Variants in PHF14 observed in about 807,000 individuals in gnomAD.
PHF14 encodes the protein PHD finger protein 14.
In PHF14, 55 loss-of-function variants were observed where a neutral mutation model predicts 117.9. The observed-to-expected ratio is 0.47, with a 90% CI of 0.38 to 0.58. The LOEUF is 0.58. Ranked by LOEUF, PHF14 falls within the 20% of genes least tolerant of loss-of-function variation. The probability of loss-of-function intolerance (pLI) is 0.00; values close to 1 mark genes in which losing one functional copy is unlikely to be tolerated. For missense variants in PHF14, 978 were observed against 1,122.2 expected (o/e 0.87, Z 1.84); for synonymous variants, 409 against 368.6 (o/e 1.11, Z -1.26).
At chr7:10,998,286 G>A (rs1782735521) in intron 4 of PHF14, among the ~76,000 whole-genome samples, 1 of 152,152 alleles carries the variant, frequency 6.6e-6, no homozygotes, top group Non-Finnish European at 1.5e-5. Flanking sequence ...AATGTTTCTT[G>A]TTTTCTCAGT....
intron 16 of PHF14, chr7:11,105,839 A>G (rs1017523743): frequency 1.0e-6 from 1 of 984,504 alleles, no homozygotes; most frequent in African/African-American, 1.7e-5. Context: ...ATAAAATGAG[A>G]TTGACACCCA....
intron 5 of PHF14, among the ~76,000 whole-genome samples, chr7:11,021,236 C>T (rs1368388550): frequency 6.6e-6 from 1 of 152,022 alleles, no homozygotes; most frequent in Non-Finnish European, 1.5e-5. Context: ...TGTTCCTTTC[C>T]CCAGTCAGCA....
At chr7:11,150,544 T>C (rs1333697887) in intron 17 of PHF14, among the ~76,000 whole-genome samples, 1 of 152,092 alleles carries the variant, frequency 6.6e-6, no homozygotes, top group African/African-American at 2.4e-5. Context: ...AAGTGGGAAT[T>C]TTTATTTCTT....
chr7:10,999,861 C>G (rs1336619436), intron 4 of PHF14, among the ~76,000 whole-genome samples: 7 of 152,188 alleles, frequency 4.6e-5, no homozygotes, highest in Non-Finnish European at 1.0e-4. Context: ...AACAACTCTT[C>G]TTGTGTAATT....
intron 5 of PHF14, among the ~76,000 whole-genome samples, chr7:11,021,493 A>G (rs1783734193): frequency 6.6e-6 from 1 of 152,136 alleles, no homozygotes; most frequent in Non-Finnish European, 1.5e-5. Context: ...AGAATGATAT[A>G]CTTGTATGCC....
At chr7:11,058,121 A>G (rs1311301659) in intron 14 of PHF14, among the ~76,000 whole-genome samples, 5 of 152,168 alleles carry the variant, frequency 3.3e-5, no homozygotes, top group Non-Finnish European at 7.4e-5. Flanking sequence ...TATTGTTGCT[A>G]AAGTAGTTTC....
chr7:11,054,315 T>G (rs1784944446), intron 14 of PHF14, among the ~76,000 whole-genome samples: 1 of 152,158 alleles, frequency 6.6e-6, no homozygotes, highest in Non-Finnish European at 1.5e-5. Context: ...AGCAGATTTC[T>G]TAGGTGCTAC....
At chr7:11,082,203 G>A (rs996477864) in intron 16 of PHF14, among the ~76,000 whole-genome samples, 1 of 151,996 alleles carries the variant, frequency 6.6e-6, no homozygotes, top group African/African-American at 2.4e-5. Context: ...AAAATCAGCT[G>A]GGCATAGTGA....
At position 11,148,441 on chromosome 7, in the gene PHF14, G is replaced by GT. The variant is rs539381897; in HGVS notation, c.2773-20972dup. Reference sequence around the variant, plus strand: ...TCTTCTCACAGATCAGTACATGACTGTTTCCTTCAAGTCATTCAGGTCTCT... The same window carrying GT: ...TCTTCTCACAGATCAGTACATGACTGTTTTCCTTCAAGTCATTCAGGTCTCT... On this transcript the variant is annotated intron_variant, in intron 17 of 17. Coordinates refer to ENST00000634607, the MANE Select transcript of PHF14 (RefSeq NM_001007157.2). 3.4e-3 allele frequency among the ~76,000 whole-genome samples: 514 copies of GT among 152,240 alleles called. 4 individuals carry two copies. Among genetic ancestry groups the GT allele is most frequent in the African/African-American group, 0.012 (495 of 41,536 alleles).
intron 11 of PHF14, among the ~76,000 whole-genome samples, chr7:11,040,091 A>C (rs1210215464): frequency 6.6e-6 from 1 of 152,172 alleles, no homozygotes; most frequent in Admixed American, 6.5e-5. Context: ...ACACAGCAGA[A>C]GTAGAATTCA....
chr7:11,017,376 C>A (rs1160671002), intron 5 of PHF14, among the ~76,000 whole-genome samples: 1 of 152,102 alleles, frequency 6.6e-6, no homozygotes, highest in African/African-American at 2.4e-5. Flanking sequence ...CAAGGGTTCC[C>A]TTTTCTCCAC....
At chr7:11,067,057 T>C (rs1209155035) in intron 16 of PHF14, among the ~76,000 whole-genome samples, 2 of 152,146 alleles carry the variant, frequency 1.3e-5, no homozygotes, top group Admixed American at 1.3e-4. Flanking sequence ...GGGGGGAATA[T>C]TTGCAAGTCA....
intron 16 of PHF14, chr7:11,106,249 CTAATTTTTT>C (rs2128342452): frequency 1.0e-6 from 1 of 972,544 alleles, no homozygotes; most frequent in East Asian, 1.1e-4. Context: ...GGATATTTTT[CTAATTTTTT>C]AAAATTAATT....
intron 2 of PHF14, among the ~76,000 whole-genome samples, chr7:10,977,213 G>A (rs1681305): frequency 0.34 from 52,124 of 151,770 alleles, 10,082 homozygotes; most frequent in South Asian, 0.46. Flanking sequence ...CCCTACTTAC[G>A]AATAGGAGAT....
intron 2 of PHF14, among the ~76,000 whole-genome samples, chr7:10,981,831 T>C (rs1212310433): frequency 6.6e-6 from 1 of 152,202 alleles, no homozygotes; most frequent in Non-Finnish European, 1.5e-5. Context: ...ATATTAGAGT[T>C]GTAGTATAAG....
intron 16 of PHF14, chr7:11,063,769 G>T (rs563723521): frequency 1.4e-6 from 1 of 734,874 alleles, no homozygotes; most frequent in Non-Finnish European, 1.7e-6. Flanking sequence ...TATTTTAGTC[G>T]TTTAATAAAA....
At chr7:11,088,418 G>GCACGCA (rs10625363) in intron 16 of PHF14, among the ~76,000 whole-genome samples, 54,462 of 150,562 alleles carry the variant, frequency 0.36, 10,192 homozygotes, top group East Asian at 0.72. Context: ...ACACACACAC[G>GCACGCA]CACACACACA....
chr7:11,099,023 A>G (rs1397098932), intron 16 of PHF14, among the ~76,000 whole-genome samples: 2 of 152,312 alleles, frequency 1.3e-5, no homozygotes, highest in East Asian at 1.9e-4. Context: ...ATGCTTTTCT[A>G]TTAGTAAAAA....
chr7:10,979,719 G>A (rs1781990442), intron 2 of PHF14, among the ~76,000 whole-genome samples: 2 of 151,732 alleles, frequency 1.3e-5, no homozygotes, highest in Non-Finnish European at 2.9e-5. Context: ...TTCCTCCAGT[G>A]CATATGTACA....
Sources: gnomAD v4.1 joint callset for allele counts (sites outside exome capture counted in the v4.1 genomes callset) on GRCh38, gnomAD v4.1.1 for gene constraint, MANE v1.5 for transcripts, NCBI Gene and HGNC (gene_info 2026-07-23, HGNC 2026-07-21) for gene names.